The following SERPINE2 variants were observed in gnomAD, a reference collection of about 807,000 sequenced individuals.
The protein encoded by SERPINE2 is serpin family E member 2, also known as glia-derived nexin.
A neutral mutation model predicts 36.3 loss-of-function variants in SERPINE2; 14 were observed. The observed-to-expected ratio is 0.39, with a 90% CI of 0.25 to 0.60. SERPINE2 has a LOEUF of 0.60. SERPINE2 is among the 20% of genes least tolerant of loss of function. SERPINE2 has a pLI of 0.57. For missense variants in SERPINE2, 418 were observed against 499.6 expected (o/e 0.84, Z 1.56); for synonymous variants, 192 against 191.8 (o/e 1.00, Z -0.01).
intron 6 of SERPINE2, chr2:223,982,362 A>G (rs1390654214): frequency 1.0e-5 from 2 of 190,634 alleles, no homozygotes; most frequent in Admixed American, 5.9e-5. Flanking sequence ...CTATTAATAC[A>G]TATTGAGTAC....
intron 1 of SERPINE2, among the ~76,000 whole-genome samples, chr2:224,025,998 G>A (rs777303935): frequency 3.3e-5 from 5 of 152,348 alleles, no homozygotes; most frequent in Non-Finnish European, 7.3e-5. Flanking sequence ...GTAGGTGGGC[G>A]TGACCATAAG....
intron 1 of SERPINE2, 178 bp downstream of exon 1, chr2:224,038,920 AG>A: frequency 5.7e-6 from 1 of 174,622 alleles, no homozygotes. Context: ...GGCCCGCGGG[AG>A]GCTGAGAAAG....
intron 1 of SERPINE2, among the ~76,000 whole-genome samples, chr2:224,035,379 G>GTT (rs1553552089): frequency 8.3e-4 from 125 of 150,626 alleles, no homozygotes; most frequent in African/African-American, 2.9e-3. Context: ...GGTTTTTTTT[G>GTT]TTTTGTTTTT....
Position 223,975,687 on chromosome 2 carries a change from G to GT in SERPINE2, c.*179dup. On this transcript the variant is annotated 3_prime_UTR_variant, in exon 9 of 9. Transcript: ENST00000409304. ...GTACAGTGTTCCAGCCATCCTGCTT[G>GT]TTTTTTCCCTCCAATACCTCCCAGA... The GT allele has an allele frequency of 2.0e-6, 1 of 505,360 alleles. No homozygotes were observed. The allele number at this position is 505,360 out of a possible 1,614,324, so 31.3% of individuals were successfully genotyped here.
At position 224,006,456 on chromosome 2, in the gene SERPINE2, G is replaced by C. The variant is rs892361627; in HGVS notation, c.-22-4534C>G. ...ACACTTCTACCCAACTCCTTCCACG[G>C]TGTGTGTGATGTTTTTCCTGATTGT... is the stretch of plus-strand genomic sequence containing the variant. On this transcript the variant is annotated intron_variant, in intron 1 of 8. Transcript: ENST00000409304. Among the ~76,000 whole-genome samples, 12 of 152,116 alleles carry C rather than the reference G, an allele frequency of 7.9e-5. No homozygotes were observed. The South Asian group carries it at 1.2e-3, about 16-fold the overall frequency.
chr2:224,038,474 C>T (rs1692600389), intron 1 of SERPINE2: 1 of 1,550,518 alleles, frequency 6.4e-7, no homozygotes, highest in African/African-American at 1.4e-5. Context: ...TTCTGAGTAC[C>T]GTACTTTCAT....
intron 4 of SERPINE2, among the ~76,000 whole-genome samples, chr2:223,985,933 C>A (rs1327117631): frequency 6.6e-6 from 1 of 152,222 alleles, no homozygotes; most frequent in Non-Finnish European, 1.5e-5. Flanking sequence ...CTGCAAGATG[C>A]TCTATAGACA....
At chr2:224,019,052 T>C (rs1691897110) in intron 1 of SERPINE2, among the ~76,000 whole-genome samples, 2 of 152,158 alleles carry the variant, frequency 1.3e-5, no homozygotes, top group Non-Finnish European at 2.9e-5. Context: ...CTGGTCTGGA[T>C]TTGGCTTCCT....
intron 1 of SERPINE2, among the ~76,000 whole-genome samples, chr2:224,037,512 C>A (rs781210525): frequency 6.6e-6 from 1 of 152,160 alleles, no homozygotes; most frequent in South Asian, 2.1e-4. Flanking sequence ...CAAGGAAGTG[C>A]GCATCTAGAG....
chr2:223,984,604 C>T (rs556285999), intron 5 of SERPINE2, 148 bp downstream of exon 5: 35 of 715,338 alleles, frequency 4.9e-5, no homozygotes, highest in South Asian at 3.9e-4. Flanking sequence ...TAGAAAAGCA[C>T]GGCCTCGTAA....
At chr2:224,028,911 TTTGCCACTGTACATGTAAAAAATGTAC>T (rs1382456559) in intron 1 of SERPINE2, among the ~76,000 whole-genome samples, 1 of 152,142 alleles carries the variant, frequency 6.6e-6, no homozygotes, top group East Asian at 1.9e-4. Context: ...CAAGCACAAT[TTTGCCACTGTACATGTAAAAAATGTAC>T]TTGCCCCACT....
At chr2:224,021,330 T>G (rs996235036) in intron 1 of SERPINE2, among the ~76,000 whole-genome samples, 2 of 152,126 alleles carry the variant, frequency 1.3e-5, no homozygotes, top group Non-Finnish European at 2.9e-5. Flanking sequence ...AAACGGAGCT[T>G]GAGAGGTTGC....
At chr2:224,001,457 C>T in intron 2 of SERPINE2, 185 bp downstream of exon 2, 2 of 605,530 alleles carry the variant, frequency 3.3e-6, no homozygotes, top group Non-Finnish European at 5.6e-6. Context: ...GTCTAGTTCT[C>T]CTAACTGCCA....
chr2:224,024,232 C>T (rs950164795), intron 1 of SERPINE2, among the ~76,000 whole-genome samples: 3 of 152,120 alleles, frequency 2.0e-5, no homozygotes, highest in African/African-American at 7.2e-5. Context: ...TGCTTTCTTC[C>T]TTCAGTACAA....
Position 223,998,284 on chromosome 2 carries a change from G to A in SERPINE2, c.318C>T (p.Asp106=). Residue 106 remains aspartate (D), a synonymous_variant, in exon 3 of 9, where the codon GAC becomes GAT. Transcript: ENST00000409304. The part of the protein sequence containing the change: ...NKAIVSKKNK[D]IVTVANAVFV... ...ACACGGCGTTAGCCACTGTCACAAT[G>A]TCTTTATTCTTCTTGGAGACGATGG... 2 of 1,614,102 alleles carry A rather than the reference G, an allele frequency of 1.2e-6. No individual in the cohort carries two copies. Among genetic ancestry groups the A allele is most frequent in the Non-Finnish European group, 8.5e-7 (1 of 1,179,990 alleles).
intron 1 of SERPINE2, among the ~76,000 whole-genome samples, chr2:224,007,597 C>T (rs183330166): frequency 1.1e-3 from 162 of 152,242 alleles, no homozygotes; most frequent in African/African-American, 3.6e-3. Context: ...ATTATCACAC[C>T]GCAAAATAAC....
intron 1 of SERPINE2, among the ~76,000 whole-genome samples, chr2:224,036,813 AG>A (rs1289893954): frequency 1.3e-5 from 2 of 151,970 alleles, no homozygotes; most frequent in Non-Finnish European, 2.9e-5. Flanking sequence ...AGGGAGGTTA[AG>A]GCATTCTTAA....
intron 1 of SERPINE2, among the ~76,000 whole-genome samples, chr2:224,036,526 T>C (rs1228980018): frequency 6.7e-6 from 1 of 150,298 alleles, no homozygotes; most frequent in Non-Finnish European, 1.5e-5. Context: ...TTAGGAGAAA[T>C]ACCTAATGTG....
At chr2:224,022,424 A>G (rs1692036462) in intron 1 of SERPINE2, among the ~76,000 whole-genome samples, 3 of 152,184 alleles carry the variant, frequency 2.0e-5, no homozygotes, top group Non-Finnish European at 4.4e-5. Flanking sequence ...GTCATAACTT[A>G]GTGTTCTTCC....
Sources: gnomAD v4.1 joint callset for allele counts (sites outside exome capture counted in the v4.1 genomes callset) on GRCh38, gnomAD v4.1.1 for gene constraint, MANE v1.5 for transcripts, NCBI Gene and HGNC (gene_info 2026-07-23, HGNC 2026-07-21) for gene names.